ANK3: variants seen among roughly 807,000 people sequenced by gnomAD.
ANK3 encodes the protein ankyrin 3, also known as ankyrin-3.
Under a neutral mutation model 370.9 loss-of-function variants are expected in ANK3, and 57 were observed. That is an observed-to-expected ratio of 0.15 (90% CI 0.12 to 0.19). The LOEUF (loss-of-function observed/expected upper bound fraction) is 0.19, where lower values mean the gene tolerates loss of function less well. Ranked by LOEUF, ANK3 falls within the 10% of genes least tolerant of loss-of-function variation. The pLI, the probability that ANK3 is intolerant of heterozygous loss-of-function variation, is 1.00. For missense variants in ANK3, 4,439 were observed against 5,302.1 expected (o/e 0.84, Z 5.06); for synonymous variants, 1,929 against 1,946.3 (o/e 0.99, Z 0.23).
chr10:60,094,118 A>T (rs1018040493), intron 28 of ANK3, among the ~76,000 whole-genome samples: 7 of 151,816 alleles, frequency 4.6e-5, no homozygotes, highest in African/African-American at 1.7e-4. Context: ...AATCACATGC[A>T]CTGCCTTCTT....
At position 60,204,333 on chromosome 10, in the gene ANK3, A is replaced by G. The variant is rs1044839784; in HGVS notation, c.1294-1233T>C. On this transcript the variant is annotated intron_variant, in intron 11 of 43. Transcript: ENST00000280772. ...GGATTACTGGTTGATATCTCTGGACATTTACTCAAACATCAGCCAAGAATT... is the reference window on the plus strand; with the variant it reads ...GGATTACTGGTTGATATCTCTGGACGTTTACTCAAACATCAGCCAAGAATT... Among the ~76,000 whole-genome samples, 14 of 152,256 alleles carry G rather than the reference A, an allele frequency of 9.2e-5. 1 individual carries two copies. Among genetic ancestry groups the G allele is most frequent in the Middle Eastern group, 6.8e-3 (2 of 294 alleles).
intron 1 of ANK3, among the ~76,000 whole-genome samples, chr10:60,375,415 G>C (rs2060640899): frequency 6.6e-6 from 1 of 152,050 alleles, no homozygotes; most frequent in Admixed American, 6.6e-5. Flanking sequence ...TCTTCCAAGT[G>C]GTTTTTGCTC....
intron 2 of ANK3, among the ~76,000 whole-genome samples, chr10:60,549,846 C>A (rs2077050597): frequency 6.6e-6 from 1 of 152,090 alleles, no homozygotes; most frequent in Non-Finnish European, 1.5e-5. Context: ...GGCTTTAATG[C>A]ATGATGGACT....
Position 60,273,113 on chromosome 10 carries a change from T to G in ANK3, c.415-2884A>C, listed in dbSNP as rs539861515. 2.0e-3 allele frequency among the ~76,000 whole-genome samples: 312 copies of G among 152,304 alleles called. 2 individuals carry two copies. The highest frequency in any genetic ancestry group is 7.2e-3 in the African/African-American group (299 of 41,576). ...AACTCTGAAATCACTCTACATGCCC[T>G]GTTTTATGATGACAGAAACTGAGAT... On this transcript the variant is annotated intron_variant, in intron 4 of 43. Coordinates refer to ENST00000280772, the MANE Select transcript of ANK3 (RefSeq NM_020987.5).
chr10:60,657,303 T>C (rs538501186), intron 1 of ANK3, among the ~76,000 whole-genome samples: 130 of 152,220 alleles, frequency 8.5e-4, no homozygotes, highest in African/African-American at 2.9e-3. Context: ...CAAGACAAGA[T>C]GTGGGTGGGG....
In ANK3 at chr10:60,028,344, C is replaced by G. The variant is rs1409618119; in HGVS notation, c.*1502G>C. 6.6e-6 allele frequency: 1 copy of G among 152,622 alleles called. No homozygotes were observed. Among genetic ancestry groups the G allele is most frequent in the African/African-American group, 2.4e-5 (1 of 41,440 alleles). The allele number at this position is 152,622 out of a possible 1,614,324, so 9.5% of individuals were successfully genotyped here. ...GGTGGATTGGCCAGGACTCATATGA[C>G]AAGGGATTAGACAACTACCTTTTGC... On this transcript the variant is annotated 3_prime_UTR_variant, in exon 44 of 44. Coordinates refer to ENST00000280772, the MANE Select transcript of ANK3 (RefSeq NM_020987.5).
intron 2 of ANK3, among the ~76,000 whole-genome samples, chr10:60,580,404 T>C (rs1424775085): frequency 6.6e-6 from 1 of 152,232 alleles, no homozygotes; most frequent in Non-Finnish European, 1.5e-5. Flanking sequence ...TTTGGTATAC[T>C]GTCTTTAGCT....
intron 1 of ANK3, among the ~76,000 whole-genome samples, chr10:60,709,714 G>A (rs1374751099): frequency 1.3e-5 from 2 of 151,666 alleles, no homozygotes; most frequent in Non-Finnish European, 2.9e-5. Flanking sequence ...TGTCATCCCA[G>A]TTACTCAGGA....
chr10:60,612,900 A>G (rs1421804709), intron 2 of ANK3, among the ~76,000 whole-genome samples: 3 of 152,204 alleles, frequency 2.0e-5, no homozygotes, highest in Admixed American at 1.3e-4. Context: ...TATACCATAT[A>G]TAAAAATTGC....
chr10:60,364,016 G>A (rs7917540), intron 1 of ANK3, among the ~76,000 whole-genome samples: 54,606 of 148,006 alleles, frequency 0.37, 10,868 homozygotes, highest in Middle Eastern at 0.49. Context: ...AAAACAGGCC[G>A]GGCTCAGTGG....
chr10:60,331,600 CA>C (rs1178878973), intron 1 of ANK3, among the ~76,000 whole-genome samples: 2 of 151,186 alleles, frequency 1.3e-5, no homozygotes, highest in African/African-American at 2.4e-5. Flanking sequence ...AAAAGACTCT[CA>C]TTGCAGCGAA....
intron 7 of ANK3, among the ~76,000 whole-genome samples, chr10:60,259,969 A>T (rs939810481): frequency 6.6e-6 from 1 of 152,220 alleles, no homozygotes; most frequent in Non-Finnish European, 1.5e-5. Context: ...AGTTAACACA[A>T]TAAGAAAAAT....
intron 1 of ANK3, among the ~76,000 whole-genome samples, chr10:60,641,118 A>C (rs912414533): frequency 1.9e-3 from 292 of 150,384 alleles, no homozygotes; most frequent in Non-Finnish European, 3.5e-3. Flanking sequence ...CCACTGCTCA[A>C]GGAAATAAAA....
intron 32 of ANK3, chr10:60,083,883 G>T: frequency 3.8e-6 from 1 of 262,292 alleles, no homozygotes; most frequent in Non-Finnish European, 7.0e-6. Context: ...ATTTAAGAAT[G>T]TGCCTGACAT....
intron 1 of ANK3, among the ~76,000 whole-genome samples, chr10:60,657,513 G>C (rs1307895950): frequency 2.0e-5 from 3 of 152,088 alleles, no homozygotes; most frequent in Non-Finnish European, 4.4e-5. Flanking sequence ...TAATTTCCAG[G>C]TATTTGGGGG....
chr10:60,097,435 CT>C (rs2090360089), intron 28 of ANK3, among the ~76,000 whole-genome samples: 1 of 152,200 alleles, frequency 6.6e-6, no homozygotes, highest in South Asian at 2.1e-4. Context: ...CACTAATGTT[CT>C]ATAGCCTTCT....
chr10:60,083,632 G>C lies in ANK3; in HGVS notation c.4075-15C>G. 5 of 1,558,936 alleles carry C rather than the reference G, an allele frequency of 3.2e-6. No homozygotes were observed. The highest frequency in any genetic ancestry group is 4.3e-6 in the Non-Finnish European group (5 of 1,149,740). On this transcript the variant is annotated splice_polypyrimidine_tract_variant and intron_variant, in intron 32 of 43. Coordinates refer to ENST00000280772, the MANE Select transcript of ANK3 (RefSeq NM_020987.5). ...CCTTCCAGAACCTTTTAGAGTAAAA[G>C]AAATAAACAATTTAATGTTAATCTG...
rs1437672286 is a variant in ANK3, at chr10:60,470,160, T to C, written c.96+145026A>G. ...AGTCGAATCAGAAAAATCACAGAAA[T>C]GGTGGGATATGAAGCATTTGAGCAT... On this transcript the variant is annotated intron_variant, in intron 2 of 43. Transcript: ENST00000373827. Among the ~76,000 whole-genome samples, 3 of 152,098 alleles carry C rather than the reference T, an allele frequency of 2.0e-5. No homozygotes were observed. In the East Asian group the frequency reaches 5.8e-4, roughly 29 times the overall value.
At chr10:60,298,361 T>C (rs1482684483) in intron 1 of ANK3, among the ~76,000 whole-genome samples, 1 of 152,192 alleles carries the variant, frequency 6.6e-6, no homozygotes, top group African/African-American at 2.4e-5. Context: ...AAAATGCAAT[T>C]ATCTACTATA....
Sources: allele counts gnomAD v4.1 joint callset (sites outside exome capture counted in the v4.1 genomes callset), GRCh38; gene constraint gnomAD v4.1.1; transcripts MANE v1.5; gene names NCBI Gene and HGNC (gene_info 2026-07-23, HGNC 2026-07-21).